Variants in CMIP observed in about 807,000 individuals in gnomAD.
CMIP encodes c-Maf inducing protein.
A neutral mutation model predicts 97.3 loss-of-function variants in CMIP; 13 were observed. The observed-to-expected ratio is 0.13, with a 90% CI of 0.09 to 0.21. CMIP has a LOEUF of 0.21. Ranked by LOEUF, CMIP falls within the 10% of genes least tolerant of loss-of-function variation. The probability of loss-of-function intolerance (pLI) is 1.00; values close to 1 mark genes in which losing one functional copy is unlikely to be tolerated. For synonymous variants in CMIP, 538 were observed against 436.3 expected (o/e 1.23, Z -2.91); for missense variants, 847 against 1,024.9 (o/e 0.83, Z 2.37).
chr16:81,526,543 G>A (rs1246494020), intron 1 of CMIP, among the ~76,000 whole-genome samples: 1 of 152,200 alleles, frequency 6.6e-6, no homozygotes. Flanking sequence ...TTAATAAAGA[G>A]GGGATCTGTT....
rs146158475 is a variant in CMIP at position 81,477,609 on chromosome 16, G to A, written c.300+32068G>A. Among the ~76,000 whole-genome samples the A allele has an allele frequency of 5.8e-3, 884 of 152,338 alleles. 7 individuals are homozygous for A. Among genetic ancestry groups the A allele is most frequent in the Admixed American group, 9.9e-3 (151 of 15,304 alleles). The stretch of plus-strand genomic sequence containing the variant: ...CAGAACTCCTTGCTCCTGCATGTAA[G>A]ACTCCGGGATCATATAATATTTAAA... On this transcript the variant is annotated intron_variant, in intron 1 of 20. Transcript: ENST00000537098.
rs1012333426 is a variant in CMIP at position 81,652,531 on chromosome 16, A to G, written c.639+167A>G. ...CACCCAGCCGTGTGTGGGAGTTGGG[A>G]GAGGGAGGCTTGCCCCAGCTGCTTG... On this transcript the variant is annotated intron_variant, in intron 4 of 20. Transcript: ENST00000537098. This position sits in a 1 kb window ranked among gnomAD's most constrained non-coding sequence, Gnocchi z 5.2. Among the ~76,000 whole-genome samples the G allele has an allele frequency of 6.6e-6, 1 of 151,998 alleles. No individual in the cohort carries two copies. The highest frequency in any genetic ancestry group is 1.5e-5 in the Non-Finnish European group (1 of 68,002).
chr16:81,577,961 C>G (rs2091227530), intron 1 of CMIP, among the ~76,000 whole-genome samples: 1 of 151,532 alleles, frequency 6.6e-6, no homozygotes, highest in Non-Finnish European at 1.5e-5. Context: ...ATCCCCATTA[C>G]CACTACATTA....
intron 1 of CMIP, among the ~76,000 whole-genome samples, chr16:81,557,016 A>C (rs1023422617): frequency 2.0e-5 from 3 of 152,216 alleles, no homozygotes; most frequent in African/African-American, 7.2e-5. Flanking sequence ...AAGTTCACGC[A>C]AAGTGTCCGG....
chr16:81,624,734 G>A (rs1434676638), intron 3 of CMIP, among the ~76,000 whole-genome samples: 1 of 152,208 alleles, frequency 6.6e-6, no homozygotes, highest in Non-Finnish European at 1.5e-5. Context: ...GACAGATGAG[G>A]GAGACACTAG....
At chr16:81,540,603 T>C (rs1022678675) in intron 1 of CMIP, among the ~76,000 whole-genome samples, 1 of 151,806 alleles carries the variant, frequency 6.6e-6, no homozygotes, top group Non-Finnish European at 1.5e-5. Flanking sequence ...GCACCTGGCC[T>C]GGCCTCTTCT....
chr16:81,529,996 G>A (rs527515287), intron 1 of CMIP, among the ~76,000 whole-genome samples: 3 of 152,212 alleles, frequency 2.0e-5, no homozygotes, highest in South Asian at 2.1e-4. Context: ...ACCTTTGTAC[G>A]AGGGTCCGCA....
At chr16:81,622,514 C>T (rs909865276) in intron 3 of CMIP, among the ~76,000 whole-genome samples, 2 of 152,186 alleles carry the variant, frequency 1.3e-5, no homozygotes, top group Non-Finnish European at 2.9e-5. Context: ...GTGTTGGTCA[C>T]GGGGGTACCA....
chr16:81,693,124 T>G (rs758360070), intron 11 of CMIP, 34 bp from the exon 12 acceptor site: 1 of 1,599,252 alleles, frequency 6.3e-7, no homozygotes, highest in South Asian at 1.1e-5. Context: ...GACGCTTCTG[T>G]TAACCGCCGT....
intron 1 of CMIP, among the ~76,000 whole-genome samples, chr16:81,448,153 C>CT (rs1905978790): frequency 6.6e-6 from 1 of 152,198 alleles, no homozygotes; most frequent in Admixed American, 6.5e-5. Context: ...AGTATGTTTC[C>CT]TATAGAGTCA....
At chr16:81,682,692 G>A (rs182233556) in intron 10 of CMIP, among the ~76,000 whole-genome samples, 14 of 152,368 alleles carry the variant, frequency 9.2e-5, no homozygotes, top group African/African-American at 3.4e-4. Flanking sequence ...GCAGGTCGCA[G>A]GGTGCACAGG....
intron 1 of CMIP, among the ~76,000 whole-genome samples, chr16:81,595,547 C>T (rs1346044319): frequency 1.3e-5 from 2 of 152,010 alleles, no homozygotes; most frequent in Non-Finnish European, 2.9e-5. Flanking sequence ...TGCCACCATG[C>T]CTGGCTTATT....
At chr16:81,574,625 G>C (rs1007174696) in intron 1 of CMIP, among the ~76,000 whole-genome samples, 2 of 152,244 alleles carry the variant, frequency 1.3e-5, no homozygotes, top group Non-Finnish European at 2.9e-5. Context: ...GAGCCTTCGA[G>C]TATGGCCTGA....
intron 1 of CMIP, among the ~76,000 whole-genome samples, chr16:81,558,448 C>A (rs1486580861): frequency 6.6e-6 from 1 of 152,288 alleles, no homozygotes; most frequent in African/African-American, 2.4e-5. Flanking sequence ...TGGGGACCTG[C>A]CAGATTATTT....
intron 1 of CMIP, among the ~76,000 whole-genome samples, chr16:81,529,359 G>A (rs1466282538): frequency 1.3e-5 from 2 of 152,182 alleles, no homozygotes; most frequent in African/African-American, 4.8e-5. Context: ...TGAGCCCCGA[G>A]TCACCGAGTG....
chr16:81,577,611 T>C (rs1263012494), intron 1 of CMIP, among the ~76,000 whole-genome samples: 6 of 129,598 alleles, frequency 4.6e-5, no homozygotes, highest in East Asian at 5.1e-4. Flanking sequence ...TACCACTACA[T>C]TATTATCACT....
rs757336182 is a variant in CMIP at position 81,693,203 on chromosome 16, C to T, written c.1481+19C>T. ...TCACCAAGTGAGTGTCTGGGCACCG[C>T]CCTCATTCCATTCTGGCACGCACGG... On this transcript the variant is annotated intron_variant, in intron 12 of 20. Transcript: ENST00000537098. 1 of 1,608,890 alleles carries T rather than the reference C, an allele frequency of 6.2e-7. No homozygotes were observed. Among genetic ancestry groups the T allele is most frequent in the Non-Finnish European group, 8.5e-7 (1 of 1,176,024 alleles).
chr16:81,626,333 G>T (rs371480013), intron 3 of CMIP, among the ~76,000 whole-genome samples: 2 of 151,666 alleles, frequency 1.3e-5, no homozygotes, highest in South Asian at 4.2e-4. Flanking sequence ...TGACTGGTGT[G>T]TCTGTGTGTG....
Position 81,699,782 on chromosome 16 carries a change from G to C in CMIP, c.1736G>C (p.Gly579Ala), listed in dbSNP as rs368732470. 2 of 1,612,368 alleles carry C rather than the reference G, an allele frequency of 1.2e-6. No individual in the cohort carries two copies. Among genetic ancestry groups the C allele is most frequent in the Non-Finnish European group, 1.7e-6 (2 of 1,178,936 alleles). Residue 579 changes from glycine to alanine, a missense_variant, in exon 15 of 21, where the codon GGG becomes GCG. This residue lies in a region of CMIP where 266 missense variants were observed against 384.2 expected (regional missense o/e 0.69). Transcript: ENST00000537098. ...LGPCMLLALR[G>A]NQTMVEILCL... is the part of the protein sequence containing the mutation. ...CCCTGCATGCTCCTGGCACTGAGGG[G>C]GAACCAGACCATGGTGGAGGTAAGG...
Sources: gnomAD v4.1 joint callset for allele counts (sites outside exome capture counted in the v4.1 genomes callset) on GRCh38, gnomAD v4.1.1 for gene constraint, gnomAD v4.1.1 regional missense constraint, Gnocchi (gnomAD v3.1) non-coding constraint, MANE v1.5 for transcripts, NCBI Gene and HGNC (gene_info 2026-07-23, HGNC 2026-07-21) for gene names.